BAIAP2: variants seen among roughly 807,000 people sequenced by gnomAD.
BAIAP2 encodes BAR/IMD domain-containing adapter protein 2.
In BAIAP2, 18 loss-of-function variants were observed where a neutral mutation model predicts 63.0. The ratio of observed to expected loss-of-function variants is 0.29; its 90% CI spans 0.20 to 0.42. The LOEUF is 0.42. Ranked by LOEUF, BAIAP2 falls within the 10% of genes least tolerant of loss-of-function variation. BAIAP2 has a pLI of 1.00. For synonymous variants in BAIAP2, 386 were observed against 307.6 expected (o/e 1.25, Z -2.67); for missense variants, 610 against 734.3 (o/e 0.83, Z 1.96).
intron 6 of BAIAP2, among the ~76,000 whole-genome samples, chr17:81,096,096 A>G (rs1016844027): frequency 1.3e-5 from 2 of 152,066 alleles, no homozygotes; most frequent in African/African-American, 4.8e-5. Context: ...TCCTGGGGTG[A>G]CCACTCCAAG....
Position 81,035,195 on chromosome 17 carries a change from C to T in BAIAP2, c.-60C>T, listed in dbSNP as rs1469394601. ...GTCTCCGTCCTGCTGCCGTTACCGC[C>T]GCTGCTGCCGCCGCTTGCGTCCCCC... On this transcript the variant is annotated 5_prime_UTR_variant, in exon 1 of 14. Transcript: ENST00000428708. 1.0e-5 allele frequency: 14 copies of T among 1,378,198 alleles called. No homozygotes were observed. The East Asian group carries it at 2.2e-4, about 22-fold the overall frequency. 85.4% of individuals were successfully genotyped at this position (1,378,198 alleles called of 1,614,324 possible).
At chr17:81,075,774 T>A (rs2144969520) in intron 3 of BAIAP2, among the ~76,000 whole-genome samples, 1 of 152,314 alleles carries the variant, frequency 6.6e-6, no homozygotes, top group East Asian at 1.9e-4. Flanking sequence ...GGGCCTCAAG[T>A]CCTGCTCCTC....
chr17:81,086,620 C>T, intron 6 of BAIAP2, 40 bp downstream of exon 6: 1 of 1,609,102 alleles, frequency 6.2e-7, no homozygotes, highest in Non-Finnish European at 8.5e-7. Flanking sequence ...CTCCTGCCAC[C>T]TTGGGACTGC....
chr17:81,110,651 C>G (rs950869734), intron 13 of BAIAP2: 1 of 1,346,272 alleles, frequency 7.4e-7, no homozygotes. Flanking sequence ...ACGGTGCTGG[C>G]CCCAGTGACA....
rs116633326 is a variant in BAIAP2, at chr17:81,045,437, C to T, written c.55-8231C>T. On this transcript the variant is annotated intron_variant, in intron 1 of 13. Coordinates refer to ENST00000428708, the MANE Select transcript of BAIAP2 (RefSeq NM_001144888.2). ...GTTTTTAGCTGCAGCATTCATGGTC[C>T]CTGTCCTGGGACCTCCCAGGAGCCT... Among the ~76,000 whole-genome samples the T allele has an allele frequency of 9.1e-3, 1,386 of 152,222 alleles. 24 individuals carry two copies. The highest frequency in any genetic ancestry group is 0.03 in the African/African-American group (1,266 of 41,536).
rs1449572181 is a variant in BAIAP2, at chr17:81,069,312, C to T, written c.217+11345C>T. On this transcript the variant is annotated intron_variant, in intron 3 of 13. Coordinates refer to ENST00000428708, the MANE Select transcript of BAIAP2 (RefSeq NM_001144888.2). ...CAGAGACTGAACACGTGCACACACC[C>T]AGCCAGAGCACGCACGCGGGCACAG... Among the ~76,000 whole-genome samples, 4 of 152,240 alleles carry T rather than the reference C, an allele frequency of 2.6e-5. No homozygotes were observed. In the East Asian group the frequency reaches 7.7e-4, roughly 29 times the overall value.
chr17:81,100,107 C>T, intron 7 of BAIAP2, 27 bp downstream of exon 7: 1 of 1,593,908 alleles, frequency 6.3e-7, no homozygotes, highest in Non-Finnish European at 8.6e-7. Flanking sequence ...CTGCGCTGTG[C>T]CGGCGCTGGG....
rs887314185 is a variant in BAIAP2 at position 81,046,706 on chromosome 17, C to A, written c.55-6962C>A. Among the ~76,000 whole-genome samples, 5 of 152,244 alleles carry A rather than the reference C, an allele frequency of 3.3e-5. No individual in the cohort carries two copies. The highest frequency in any genetic ancestry group is 4.8e-5 in the African/African-American group (2 of 41,462). On this transcript the variant is annotated intron_variant, in intron 1 of 13. Transcript: ENST00000428708. This position sits in a 1 kb window ranked among gnomAD's most constrained non-coding sequence, Gnocchi z 4.5. ...CCTCCCGCGAGGACACTGTCCACTG[C>A]TGCAGGGCCCCTCCTGTACCTCCCT...
intron 6 of BAIAP2, chr17:81,098,149 C>A: frequency 6.8e-7 from 1 of 1,471,012 alleles, no homozygotes. Flanking sequence ...AGGCAGAGAG[C>A]CCTGGGGTTT....
rs1270304952 is a variant in BAIAP2 at position 81,046,416 on chromosome 17, T to A, written c.55-7252T>A. On this transcript the variant is annotated intron_variant, in intron 1 of 13. Transcript: ENST00000428708. This position sits in a 1 kb window ranked among gnomAD's most constrained non-coding sequence, Gnocchi z 4.5. Reference sequence around the variant, plus strand: ...TTCAGGAAGGATCCTCCAGGACAGATGTCCAAGTGTTTAGAGGGGACAGGA... The same window carrying A: ...TTCAGGAAGGATCCTCCAGGACAGAAGTCCAAGTGTTTAGAGGGGACAGGA... Among the ~76,000 whole-genome samples, 1 of 152,128 alleles carries A rather than the reference T, an allele frequency of 6.6e-6. No individual in the cohort carries two copies. The highest frequency in any genetic ancestry group is 1.5e-5 in the Non-Finnish European group (1 of 67,996).
chr17:81,057,994 G>GCCCCCCC (rs1568090096), intron 3 of BAIAP2, 27 bp downstream of exon 3: 1 of 974,820 alleles, frequency 1.0e-6, no homozygotes. Flanking sequence ...CCCCCCGCCT[G>GCCCCCCC]GTAGTCGCCT....
chr17:81,036,824 T>A, intron 1 of BAIAP2: 1 of 1,478,810 alleles, frequency 6.8e-7, no homozygotes, highest in South Asian at 1.2e-5. Context: ...TATTAAATTA[T>A]TAGTCATTAG....
chr17:81,041,585 G>C (rs1250584981), intron 1 of BAIAP2, among the ~76,000 whole-genome samples: 2 of 151,930 alleles, frequency 1.3e-5, no homozygotes, highest in African/African-American at 4.8e-5. Context: ...TTTTTGTTTT[G>C]TTTTTGGAGA....
intron 6 of BAIAP2, chr17:81,097,976 C>T (rs1357920103): frequency 1.8e-6 from 1 of 564,912 alleles, no homozygotes; most frequent in Non-Finnish European, 2.6e-6. Context: ...CACTGTCGGG[C>T]TGGGGTTCTG....
intron 13 of BAIAP2, among the ~76,000 whole-genome samples, chr17:81,111,354 G>A (rs577837049): frequency 6.6e-6 from 1 of 152,378 alleles, no homozygotes; most frequent in South Asian, 2.1e-4. Context: ...GGGCTCCTTC[G>A]GGTGTGTGTG....
chr17:81,062,392 G>A (rs1463804873), intron 3 of BAIAP2, among the ~76,000 whole-genome samples: 2 of 151,148 alleles, frequency 1.3e-5, no homozygotes, highest in East Asian at 1.9e-4. Context: ...TTATTATGAC[G>A]CCTTTGCTTT....
intron 2 of BAIAP2, among the ~76,000 whole-genome samples, chr17:81,055,739 G>C (rs1242197634): frequency 5.9e-5 from 9 of 151,766 alleles, no homozygotes; most frequent in African/African-American, 2.2e-4. Flanking sequence ...CTAATTTTTT[G>C]TATTTTTAGT....
chr17:81,095,783 G>T (rs943573071), intron 6 of BAIAP2, among the ~76,000 whole-genome samples: 3 of 152,134 alleles, frequency 2.0e-5, no homozygotes, highest in African/African-American at 7.2e-5. Flanking sequence ...GGTTTCTCTT[G>T]TGACCTGTGT....
Position 81,106,099 on chromosome 17 carries a change from C to T in BAIAP2, c.1290C>T (p.Ser430=). 6.3e-7 allele frequency: 1 copy of T among 1,582,370 alleles called. No individual in the cohort carries two copies. The change falls in exon 11 of 14, where the codon TCC becomes TCT. Residue 430 remains serine, a synonymous_variant. Transcript: ENST00000428708. ...CCAGGCGGGGCTGGTTTCCCTTCTC[C>T]TACACCCGGGTCTTGGACAGCGATG... ...KTKMRGWFPF[S]YTRVLDSDGS...
Sources: allele counts gnomAD v4.1 joint callset (sites outside exome capture counted in the v4.1 genomes callset), GRCh38; gene constraint gnomAD v4.1.1; non-coding constraint Gnocchi (gnomAD v3.1); transcripts MANE v1.5; gene names NCBI Gene and HGNC (gene_info 2026-07-23, HGNC 2026-07-21).